SLC44A5: variants seen among roughly 807,000 people sequenced by gnomAD.
The protein encoded by SLC44A5 is solute carrier family 44 member 5, also known as choline transporter-like protein 5.
Under a neutral mutation model 101.8 loss-of-function variants are expected in SLC44A5, and 57 were observed. That is an observed-to-expected ratio of 0.56 (90% CI 0.45 to 0.70). The LOEUF (loss-of-function observed/expected upper bound fraction) is 0.70, where lower values mean the gene tolerates loss of function less well. Ranked by LOEUF, SLC44A5 falls within the 30% of genes least tolerant of loss-of-function variation. The probability of loss-of-function intolerance (pLI) is 0.00; values close to 1 mark genes in which losing one functional copy is unlikely to be tolerated. For missense variants in SLC44A5, 737 were observed against 853.1 expected (o/e 0.86, Z 1.70); for synonymous variants, 281 against 290.9 (o/e 0.97, Z 0.35).
intron 6 of SLC44A5, among the ~76,000 whole-genome samples, chr1:75,253,941 A>C (rs1247597480): frequency 6.6e-6 from 1 of 152,118 alleles, no homozygotes; most frequent in Non-Finnish European, 1.5e-5. Context: ...TTTATCTCAA[A>C]GTTTTTTCAA....
At chr1:75,499,352 C>G (rs565308628) in intron 2 of SLC44A5, among the ~76,000 whole-genome samples, 13 of 152,184 alleles carry the variant, frequency 8.5e-5, no homozygotes. Context: ...CAGTTCACAA[C>G]AGGGTTTGTG....
the SLC44A5 span, among the ~76,000 whole-genome samples, chr1:75,704,725 T>C: frequency 6.6e-6 from 1 of 152,352 alleles, no homozygotes; most frequent in Non-Finnish European, 1.5e-5. Context: ...AACTGTTTAA[T>C]ATTATTTCTA....
intron 2 of SLC44A5, among the ~76,000 whole-genome samples, chr1:75,459,505 C>G (rs1414818030): frequency 6.6e-6 from 1 of 152,116 alleles, no homozygotes; most frequent in Non-Finnish European, 1.5e-5. Context: ...GACAACCACT[C>G]GCAGATGTTT....
intron 3 of SLC44A5, among the ~76,000 whole-genome samples, chr1:75,347,939 G>C (rs753701068): frequency 6.6e-6 from 1 of 152,072 alleles, no homozygotes; most frequent in African/African-American, 2.4e-5. Context: ...AGAAAACCTT[G>C]GGATTATTTC....
intron 1 of SLC44A5, among the ~76,000 whole-genome samples, chr1:75,556,661 G>T (rs1672231900): frequency 6.6e-6 from 1 of 152,086 alleles, no homozygotes; most frequent in Non-Finnish European, 1.5e-5. Flanking sequence ...ACCAACTTCA[G>T]GGCATAAACA....
At chr1:75,506,872 G>A (rs1295471516) in intron 2 of SLC44A5, among the ~76,000 whole-genome samples, 1 of 150,646 alleles carries the variant, frequency 6.6e-6, no homozygotes, top group African/African-American at 2.4e-5. Context: ...ATGTTGAAGA[G>A]GAGTAGGAAT....
chr1:75,480,306 G>T lies in SLC44A5; in HGVS notation c.13+61129C>A, dbSNP rs573087826. Reference sequence around the variant, plus strand: ...CCCACAGCCAATATCATACTGAATGGGAAAAAACTGGAAGCATTCCCTTTG... The same window carrying T: ...CCCACAGCCAATATCATACTGAATGTGAAAAAACTGGAAGCATTCCCTTTG... On this transcript the variant is annotated intron_variant, in intron 2 of 23. Coordinates refer to ENST00000370859, the MANE Select transcript of SLC44A5 (RefSeq NM_001130058.2). Among the ~76,000 whole-genome samples, 114 of 152,236 alleles carry T rather than the reference G, an allele frequency of 7.5e-4. 1 individual carries two copies. The highest frequency in any genetic ancestry group is 2.7e-3 in the African/African-American group (111 of 41,540).
chr1:75,562,624 C>T (rs1043643244), intron 1 of SLC44A5, among the ~76,000 whole-genome samples: 3 of 152,014 alleles, frequency 2.0e-5, no homozygotes, highest in Non-Finnish European at 4.4e-5. Context: ...GAGATGGAGT[C>T]TGCAGTGAGA....
chr1:75,283,449 T>C (rs981575839), intron 5 of SLC44A5, among the ~76,000 whole-genome samples: 5 of 152,212 alleles, frequency 3.3e-5, no homozygotes, highest in African/African-American at 9.6e-5. Flanking sequence ...CTCTGTGTGT[T>C]GTCTGTTTAC....
At chr1:75,342,732 T>C (rs949270754) in intron 3 of SLC44A5, among the ~76,000 whole-genome samples, 1 of 152,220 alleles carries the variant, frequency 6.6e-6, no homozygotes, top group South Asian at 2.1e-4. Context: ...TGGCTTCCAA[T>C]CTTCCTGTGA....
At chr1:75,393,932 G>T (rs557716191) in intron 3 of SLC44A5, among the ~76,000 whole-genome samples, 2 of 152,236 alleles carry the variant, frequency 1.3e-5, no homozygotes, top group East Asian at 1.9e-4. Flanking sequence ...ATTTGGTGGG[G>T]TATAAAGTCA....
At chr1:75,361,149 G>A (rs761776928) in intron 3 of SLC44A5, among the ~76,000 whole-genome samples, 1 of 151,914 alleles carries the variant, frequency 6.6e-6, no homozygotes, top group Non-Finnish European at 1.5e-5. Flanking sequence ...TTTTCGTGTT[G>A]AGTTTGTATC....
intron 2 of SLC44A5, among the ~76,000 whole-genome samples, chr1:75,476,331 A>G (rs1667398400): frequency 6.6e-6 from 1 of 152,178 alleles, no homozygotes; most frequent in Admixed American, 6.5e-5. Context: ...GACGCAGAAG[A>G]TGGGTGATTT....
chr1:75,659,469 G>A, the SLC44A5 span, among the ~76,000 whole-genome samples: 2 of 60,344 alleles, frequency 3.3e-5, no homozygotes, highest in Middle Eastern at 0.013. Flanking sequence ...AGGAAGGAAG[G>A]AAGGAAGGAA....
chr1:75,627,061 A>G, the SLC44A5 span, among the ~76,000 whole-genome samples: 1 of 152,044 alleles, frequency 6.6e-6, no homozygotes, highest in Admixed American at 6.6e-5. Context: ...TCCCATCTCC[A>G]TCTTTTAAAG....
At chr1:75,551,418 A>G (rs1214509742) in intron 1 of SLC44A5, among the ~76,000 whole-genome samples, 1 of 152,058 alleles carries the variant, frequency 6.6e-6, no homozygotes, top group South Asian at 2.1e-4. Flanking sequence ...TTCTAATTTT[A>G]TGCTTTCTTG....
At chr1:75,549,438 C>T (rs1237035544) in intron 1 of SLC44A5, among the ~76,000 whole-genome samples, 1 of 152,108 alleles carries the variant, frequency 6.6e-6, no homozygotes, top group Admixed American at 6.6e-5. Flanking sequence ...CTTCCTTCTT[C>T]TTAGTACACC....
In SLC44A5 at chr1:75,296,021, T is replaced by C. The variant is rs1436280745; in HGVS notation, c.175+4591A>G. Among the ~76,000 whole-genome samples, 4 of 152,372 alleles carry C rather than the reference T, an allele frequency of 2.6e-5. No individual in the cohort carries two copies. In the East Asian group the frequency reaches 7.7e-4, roughly 29 times the overall value. ...ACTATTTTGTTTATTCTCTACCTTA[T>C]TCTACGAAGGATTAAGGCTGAATAT... On this transcript the variant is annotated intron_variant, in intron 5 of 23. Transcript: ENST00000370859.
At chr1:75,641,128 T>C in the SLC44A5 span, among the ~76,000 whole-genome samples, 1 of 152,128 alleles carries the variant, frequency 6.6e-6, no homozygotes, top group Admixed American at 6.6e-5. Flanking sequence ...CCCAGAGATA[T>C]GACAAGATAC....
Sources: allele counts gnomAD v4.1 joint callset (sites outside exome capture counted in the v4.1 genomes callset), GRCh38; gene constraint gnomAD v4.1.1; transcripts MANE v1.5; gene names NCBI Gene and HGNC (gene_info 2026-07-23, HGNC 2026-07-21).